GPHN: variants seen among roughly 807,000 people sequenced by gnomAD.
GPHN encodes the protein gephyrin.
A neutral mutation model predicts 95.5 loss-of-function variants in GPHN; 17 were observed. The ratio of observed to expected loss-of-function variants is 0.18; its 90% CI spans 0.12 to 0.27. The LOEUF is 0.27. GPHN is among the 10% of genes least tolerant of loss of function. The pLI, the probability that GPHN is intolerant of heterozygous loss-of-function variation, is 1.00. For missense variants in GPHN, 660 were observed against 978.1 expected, an observed-to-expected ratio of 0.67 and a Z score of 4.34; for synonymous variants, 320 against 322.5, an observed-to-expected ratio of 0.99 and a Z score of 0.08.
At chr14:67,380,555 T>A in the GPHN span, 12,496 of 509,468 alleles carry the variant, frequency 0.025, 186 homozygotes, top group Non-Finnish European at 0.03. Flanking sequence ...ATGCATTAAC[T>A]ATTATATGCT....
the GPHN span, among the ~76,000 whole-genome samples, chr14:67,192,051 C>T: frequency 2.2e-4 from 33 of 152,332 alleles, no homozygotes; most frequent in African/African-American, 6.7e-4. Flanking sequence ...AGTGCTAGAA[C>T]GAGCTCATCC....
At chr14:67,576,499 T>A in the GPHN span, 1 of 1,547,596 alleles carries the variant, frequency 6.5e-7, no homozygotes, top group East Asian at 2.2e-5. The surrounding 1 kb of genome is among the most constrained non-coding windows in gnomAD (Gnocchi z 4.0). Flanking sequence ...GTGAAGGAGA[T>A]CCAGGTAAGG....
At chr14:66,907,070 T>G (rs2065419221) in intron 5 of GPHN, among the ~76,000 whole-genome samples, 1 of 152,160 alleles carries the variant, frequency 6.6e-6, no homozygotes, top group African/African-American at 2.4e-5. Context: ...TACAGAGAAC[T>G]TCTAGATATT....
chr14:66,973,144 A>G (rs2069933671), intron 9 of GPHN, among the ~76,000 whole-genome samples: 3 of 152,080 alleles, frequency 2.0e-5, no homozygotes, highest in Non-Finnish European at 4.4e-5. Context: ...TCCTTTATAT[A>G]TATATTTTTT....
chr14:67,611,405 C>T, the GPHN span, among the ~76,000 whole-genome samples: 1 of 151,742 alleles, frequency 6.6e-6, no homozygotes. Flanking sequence ...GGACTACAGC[C>T]ACCACATCTG....
At chr14:67,437,941 C>A in the GPHN span, among the ~76,000 whole-genome samples, 2 of 152,004 alleles carry the variant, frequency 1.3e-5, no homozygotes, top group African/African-American at 2.4e-5. Context: ...CCTATTAGAC[C>A]TCATTTTTAT....
chr14:67,728,710 G>GGC, the GPHN span, among the ~76,000 whole-genome samples: 4 of 150,980 alleles, frequency 2.6e-5, no homozygotes, highest in East Asian at 1.9e-4. Context: ...TTGTGGGGGG[G>GGC]GGGTGTTAAT....
intron 4 of GPHN, among the ~76,000 whole-genome samples, chr14:66,856,394 A>G (rs2062805210): frequency 6.6e-6 from 1 of 152,148 alleles, no homozygotes; most frequent in Non-Finnish European, 1.5e-5. Flanking sequence ...AATTAAAGTG[A>G]AAAGTGATTC....
chr14:67,336,915 C>A, the GPHN span, among the ~76,000 whole-genome samples: 1 of 152,110 alleles, frequency 6.6e-6, no homozygotes, highest in Non-Finnish European at 1.5e-5. Context: ...TTTAAATACC[C>A]AAAGTTTGAA....
At chr14:66,517,802 A>G (rs950945359) in intron 1 of GPHN, among the ~76,000 whole-genome samples, 1 of 152,166 alleles carries the variant, frequency 6.6e-6, no homozygotes, top group South Asian at 2.1e-4. Flanking sequence ...AAAATGAATC[A>G]AAGACCTACA....
the GPHN span, among the ~76,000 whole-genome samples, chr14:67,308,918 A>T: frequency 2.0e-5 from 3 of 152,218 alleles, no homozygotes; most frequent in African/African-American, 7.2e-5. Context: ...TCCCTAAAAA[A>T]CATGTAAATA....
chr14:67,628,066 G>A, the GPHN span, among the ~76,000 whole-genome samples: 1 of 152,172 alleles, frequency 6.6e-6, no homozygotes, highest in Non-Finnish European at 1.5e-5. Flanking sequence ...CTTGGGGGAT[G>A]GGCCACCTGT....
At chr14:66,804,742 CATT>C (rs1199773699) in intron 3 of GPHN, among the ~76,000 whole-genome samples, 5 of 152,120 alleles carry the variant, frequency 3.3e-5, no homozygotes, top group African/African-American at 1.2e-4. Flanking sequence ...TTCACTTAAT[CATT>C]ATTATTTCTG....
At chr14:67,670,764 G>GCA in the GPHN span, among the ~76,000 whole-genome samples, 1 of 152,080 alleles carries the variant, frequency 6.6e-6, no homozygotes, top group Non-Finnish European at 1.5e-5. Context: ...GTGACCTTGT[G>GCA]ATCCGCCCGC....
intron 6 of GPHN, among the ~76,000 whole-genome samples, chr14:66,918,203 A>G (rs755001134): frequency 2.0e-5 from 3 of 151,454 alleles, no homozygotes; most frequent in Non-Finnish European, 4.4e-5. Context: ...CAAATGAGGA[A>G]CTTCTGTTGT....
the GPHN span, among the ~76,000 whole-genome samples, chr14:67,348,091 T>TA: frequency 2.0e-5 from 3 of 151,350 alleles, no homozygotes; most frequent in Admixed American, 1.3e-4. Flanking sequence ...TTTTTTTTTT[T>TA]AAAGATGAGT....
chr14:66,933,201 A>G (rs2066921322), intron 8 of GPHN, among the ~76,000 whole-genome samples: 1 of 152,242 alleles, frequency 6.6e-6, no homozygotes, highest in Admixed American at 6.5e-5. Flanking sequence ...GCATCTATCT[A>G]TACAGTAGAA....
intron 2 of GPHN, among the ~76,000 whole-genome samples, chr14:66,763,270 A>T (rs1425385340): frequency 1.4e-5 from 2 of 144,752 alleles, no homozygotes; most frequent in Non-Finnish European, 3.0e-5. Context: ...TTTAAGTTTT[A>T]GGGTACATGT....
intron 1 of GPHN, among the ~76,000 whole-genome samples, chr14:66,679,530 T>C (rs574565229): frequency 1.3e-5 from 2 of 152,208 alleles, no homozygotes; most frequent in Non-Finnish European, 2.9e-5. Context: ...TCTGAAAGTA[T>C]TGTTTCTCCT....
Sources: gnomAD v4.1 joint callset for allele counts (sites outside exome capture counted in the v4.1 genomes callset) on GRCh38, gnomAD v4.1.1 for gene constraint, Gnocchi (gnomAD v3.1) non-coding constraint, MANE v1.5 for transcripts, NCBI Gene and HGNC (gene_info 2026-07-23, HGNC 2026-07-21) for gene names.